KCNQ1: variants seen among roughly 807,000 people sequenced by gnomAD.
KCNQ1 encodes potassium voltage-gated channel subfamily KQT member 1.
Under a neutral mutation model 72.4 loss-of-function variants are expected in KCNQ1, and 49 were observed. That is an observed-to-expected ratio of 0.68 (90% CI 0.54 to 0.86). KCNQ1 has a LOEUF of 0.86. Among genes scored for constraint, KCNQ1 ranks in the 40% least tolerant of loss-of-function variants. The probability of loss-of-function intolerance (pLI) is 0.00; values close to 1 mark genes in which losing one functional copy is unlikely to be tolerated. For missense variants in KCNQ1, 790 were observed against 945.1 expected (o/e 0.84, Z 2.15); for synonymous variants, 450 against 412.6 (o/e 1.09, Z -1.10).
At chr11:2,754,517 C>G (rs753550129) in intron 11 of KCNQ1, among the ~76,000 whole-genome samples, 1 of 152,172 alleles carries the variant, frequency 6.6e-6, no homozygotes, top group Non-Finnish European at 1.5e-5. Context: ...AGTGTAGGCA[C>G]AAGGGTAGAC....
In KCNQ1 at chr11:2,544,874, C is replaced by T. The variant is rs916101705; in HGVS notation, c.477+16856C>T. 2.0e-5 allele frequency among the ~76,000 whole-genome samples: 3 copies of T among 152,136 alleles called. No homozygotes were observed. In the South Asian group the frequency reaches 6.2e-4, roughly 32 times the overall value. On this transcript the variant is annotated intron_variant, in intron 2 of 15. Coordinates refer to ENST00000155840, the MANE Select transcript of KCNQ1 (RefSeq NM_000218.3). This position sits in a 1 kb window ranked among gnomAD's most constrained non-coding sequence, Gnocchi z 4.4. ...CAATACAAGTGAACACTGCTGTGTC[C>T]CCAGCCTTAGAAGACACACATCATT...
Position 2,769,399 on chromosome 11 carries a change from A to G in KCNQ1, c.1590+480A>G, listed in dbSNP as rs910616898. On this transcript the variant is annotated intron_variant, in intron 12 of 15. Transcript: ENST00000155840. This position sits in a 1 kb window ranked among gnomAD's most constrained non-coding sequence, Gnocchi z 4.6. Reference sequence around the variant, plus strand: ...CCTCCACCCTCTGTGAGTTGGGAGGATGGAGGGAGGCTGGGCCCTGCTCTG... The same window carrying G: ...CCTCCACCCTCTGTGAGTTGGGAGGGTGGAGGGAGGCTGGGCCCTGCTCTG... Among the ~76,000 whole-genome samples, 1 of 151,932 alleles carries G rather than the reference A, an allele frequency of 6.6e-6. No individual in the cohort carries two copies. The highest frequency in any genetic ancestry group is 1.5e-5 in the Non-Finnish European group (1 of 67,978).
At position 2,491,401 on chromosome 11, in the gene KCNQ1, T is replaced by C. The variant is rs893631137; in HGVS notation, c.387-36527T>C. 1.3e-5 allele frequency among the ~76,000 whole-genome samples: 2 copies of C among 152,086 alleles called. No homozygotes were observed. Among genetic ancestry groups the C allele is most frequent in the Admixed American group, 6.5e-5 (1 of 15,276 alleles). ...GATAAATTTAATAAAGAGATTAAAA[T>C]AAGAATCAAGCAGAAATTCTGGAGT... On this transcript the variant is annotated intron_variant, in intron 1 of 15. Transcript: ENST00000155840. This position sits in a 1 kb window ranked among gnomAD's most constrained non-coding sequence, Gnocchi z 4.1.
Position 2,695,855 on chromosome 11 carries a change from T to C in KCNQ1, c.1514+33774T>C, listed in dbSNP as rs1850667268. The C allele has an allele frequency of 5.0e-6, 2 of 398,528 alleles. No homozygotes were observed. 24.7% of individuals were successfully genotyped at this position (398,528 alleles called of 1,614,324 possible). ...ATAACTGATTAGCTTGGGCAAATTT[T>C]CATCTGTTTGTTAACCCTCCTGCAA... On this transcript the variant is annotated intron_variant, in intron 11 of 15. Transcript: ENST00000155840. This position sits in a 1 kb window ranked among gnomAD's most constrained non-coding sequence, Gnocchi z 5.2.
intron 15 of KCNQ1, among the ~76,000 whole-genome samples, chr11:2,846,539 G>A (rs927070456): frequency 6.6e-6 from 1 of 152,142 alleles, no homozygotes; most frequent in Non-Finnish European, 1.5e-5. Context: ...TCATGCTAGG[G>A]CCCCCAGGTC....
Position 2,670,673 on chromosome 11 carries a change from G to A in KCNQ1, c.1514+8592G>A, listed in dbSNP as rs2133867900. On this transcript the variant is annotated intron_variant, in intron 11 of 15. Coordinates refer to ENST00000155840, the MANE Select transcript of KCNQ1 (RefSeq NM_000218.3). This position sits in a 1 kb window ranked among gnomAD's most constrained non-coding sequence, Gnocchi z 4.9. ...AACCCTGAAGATTGGTAGGAAGGCA[G>A]TGTAGCAGTAACAAGACAAAGGGAT... The A allele has an allele frequency of 2.5e-6, 1 of 398,678 alleles. No homozygotes were observed. Among genetic ancestry groups the A allele is most frequent in the East Asian group, 3.6e-5 (1 of 28,080 alleles). The allele number at this position is 398,678 out of a possible 1,614,324, so 24.7% of individuals were successfully genotyped here.
rs1848635451 is a variant in KCNQ1, at chr11:2,588,994, C to G, written c.1393+140C>G. 2.9e-6 allele frequency: 3 copies of G among 1,032,384 alleles called. No homozygotes were observed. The highest frequency in any genetic ancestry group is 4.3e-6 in the Non-Finnish European group (3 of 700,112). The allele number at this position is 1,032,384 out of a possible 1,614,324, so 64.0% of individuals were successfully genotyped here. A position where few individuals can be genotyped will look rare whatever the true frequency, so the allele number is the denominator to read the frequency against. On this transcript the variant is annotated intron_variant, in intron 10 of 15. Transcript: ENST00000155840. This position sits in a 1 kb window ranked among gnomAD's most constrained non-coding sequence, Gnocchi z 5.6. ...TATGAACAGACAGAGGGTGGAGCTTCTAGAAACTTCTGTAAACCTTCCAGG... is the reference window on the plus strand; with the variant it reads ...TATGAACAGACAGAGGGTGGAGCTTGTAGAAACTTCTGTAAACCTTCCAGG...
intron 7 of KCNQ1, 30 bp downstream of exon 7, chr11:2,583,575 G>C (rs758186476): frequency 6.7e-7 from 1 of 1,503,084 alleles, no homozygotes; most frequent in Non-Finnish European, 9.3e-7. Flanking sequence ...GTTTTCCCTG[G>C]CTCCTTGGAC....
At chr11:2,771,569 A>C (rs12575599) in intron 12 of KCNQ1, 2,540 of 152,322 alleles carry the variant, frequency 0.017, 117 homozygotes, top group East Asian at 0.13. Context: ...CATCTTTCAG[A>C]GTGCAAAGTG....
rs530761812 is a variant in KCNQ1 at position 2,593,786 on chromosome 11, A to C, written c.1393+4932A>C. ...CCCGGCTCCGCGTCCTCAGCCCAAC[A>C]CACCAAGCCTGGCCTTTCATGCACT... On this transcript the variant is annotated intron_variant, in intron 10 of 15. Transcript: ENST00000155840. This position sits in a 1 kb window ranked among gnomAD's most constrained non-coding sequence, Gnocchi z 6.9. Among the ~76,000 whole-genome samples the C allele has an allele frequency of 7.6e-4, 115 of 152,190 alleles. 1 individual carries two copies. In the Middle Eastern group the frequency reaches 0.01, roughly 14 times the overall value.
chr11:2,684,583 A>C (rs1237077781), intron 11 of KCNQ1: 1 of 398,538 alleles, frequency 2.5e-6, no homozygotes, highest in Non-Finnish European at 4.4e-6. Flanking sequence ...CTGGCAGAGG[A>C]GAGTGACTGT....
At chr11:2,648,051 C>CA (rs34011245) in intron 10 of KCNQ1, 48,303 of 361,916 alleles carry the variant, frequency 0.13, 994 homozygotes, top group South Asian at 0.18. Context: ...CCATCTCTAC[C>CA]AAAAAAAAAA....
intron 2 of KCNQ1, among the ~76,000 whole-genome samples, chr11:2,540,308 C>T (rs1185006741): frequency 6.6e-6 from 1 of 152,224 alleles, no homozygotes; most frequent in Non-Finnish European, 1.5e-5. Context: ...AAACCAGAGG[C>T]CCTGGCCGTG....
In KCNQ1 at chr11:2,670,679, C is replaced by G. The variant is rs1401172999; in HGVS notation, c.1514+8598C>G. The G allele has an allele frequency of 5.0e-6, 2 of 398,592 alleles. No individual in the cohort carries two copies. The highest frequency in any genetic ancestry group is 8.8e-6 in the Non-Finnish European group (2 of 226,114). 24.7% of individuals were successfully genotyped at this position (398,592 alleles called of 1,614,324 possible). ...GAAGATTGGTAGGAAGGCAGTGTAG[C>G]AGTAACAAGACAAAGGGATTCTGTG... On this transcript the variant is annotated intron_variant, in intron 11 of 15. Transcript: ENST00000155840. The surrounding 1 kb of genome is among the most constrained non-coding windows in gnomAD (Gnocchi z 4.9).
chr11:2,656,845 T>C (rs1564847261), intron 10 of KCNQ1: 1 of 398,634 alleles, frequency 2.5e-6, no homozygotes, highest in Non-Finnish European at 4.4e-6. Context: ...TAGTTATGCT[T>C]TTCATAGTTA....
intron 11 of KCNQ1, chr11:2,689,207 A>C (rs1207300695): frequency 2.5e-6 from 1 of 398,596 alleles, no homozygotes; most frequent in Non-Finnish European, 4.4e-6. Flanking sequence ...CAGCTTGCTG[A>C]CTTTGATGCA....
chr11:2,742,978 GGTTT>G (rs1246021871), intron 11 of KCNQ1, among the ~76,000 whole-genome samples: 1 of 152,198 alleles, frequency 6.6e-6, no homozygotes, highest in Admixed American at 6.5e-5. Flanking sequence ...GAGTGCAGGT[GGTTT>G]GTTCTTGCCT....
At chr11:2,455,907 C>T (rs1336370900) in intron 1 of KCNQ1, among the ~76,000 whole-genome samples, 1 of 152,228 alleles carries the variant, frequency 6.6e-6, no homozygotes, top group East Asian at 1.9e-4. Flanking sequence ...CTACAGCCAT[C>T]TGATCATCAA....
rs1057376561 is a variant in KCNQ1 at position 2,446,824 on chromosome 11, C to G, written c.386+1340C>G. ...AGCCGCTGCTGGTCTGTGAGAGGAG[C>G]TGGCTCTGCTCGTGGCTGCAACAGC... On this transcript the variant is annotated intron_variant, in intron 1 of 15. Transcript: ENST00000155840. This position sits in a 1 kb window ranked among gnomAD's most constrained non-coding sequence, Gnocchi z 8.8. Among the ~76,000 whole-genome samples, 2 of 152,234 alleles carry G rather than the reference C, an allele frequency of 1.3e-5. No homozygotes were observed. The highest frequency in any genetic ancestry group is 4.8e-5 in the African/African-American group (2 of 41,460).
Sources: gnomAD v4.1 joint callset for allele counts (sites outside exome capture counted in the v4.1 genomes callset) on GRCh38, gnomAD v4.1.1 for gene constraint, Gnocchi (gnomAD v3.1) non-coding constraint, MANE v1.5 for transcripts, NCBI Gene and HGNC (gene_info 2026-07-23, HGNC 2026-07-21) for gene names.